AFG2A: variants seen among roughly 807,000 people sequenced by gnomAD.
AFG2A encodes ATPase family gene 2 protein homolog A.
the AFG2A span, among the ~76,000 whole-genome samples, chr4:122,951,235 C>T: frequency 6.6e-6 from 1 of 151,956 alleles, no homozygotes; most frequent in Non-Finnish European, 1.5e-5. Flanking sequence ...ATGGTGAGTC[C>T]CTTTACATTG....
the AFG2A span, among the ~76,000 whole-genome samples, chr4:123,160,689 G>A: frequency 3.9e-5 from 6 of 152,088 alleles, no homozygotes; most frequent in Admixed American, 2.6e-4. Context: ...TATGCATAGA[G>A]CAGTTACCTC....
the AFG2A span, among the ~76,000 whole-genome samples, chr4:122,981,945 T>G: frequency 1.3e-5 from 2 of 152,122 alleles, no homozygotes; most frequent in African/African-American, 4.8e-5. Flanking sequence ...TTATGTCATC[T>G]GCAAACAGAC....
the AFG2A span, among the ~76,000 whole-genome samples, chr4:123,233,220 G>T: frequency 6.6e-6 from 1 of 151,664 alleles, no homozygotes; most frequent in Non-Finnish European, 1.5e-5. Flanking sequence ...TTAAAGATTT[G>T]TAATATTTGG....
chr4:123,184,528 A>ATTTTTTTT, the AFG2A span, among the ~76,000 whole-genome samples: 2 of 80,910 alleles, frequency 2.5e-5, no homozygotes, highest in African/African-American at 9.0e-5. Context: ...CAGCATGATC[A>ATTTTTTTT]TTTCTTTTTT....
chr4:122,961,125 A>G, the AFG2A span, among the ~76,000 whole-genome samples: 6 of 152,182 alleles, frequency 3.9e-5, no homozygotes, highest in East Asian at 7.7e-4. Context: ...GGATAACACT[A>G]TATGGTTTTA....
the AFG2A span, among the ~76,000 whole-genome samples, chr4:122,951,315 C>T: frequency 6.6e-6 from 1 of 152,016 alleles, no homozygotes; most frequent in African/African-American, 2.4e-5. Context: ...CATGCAAATA[C>T]TGTGCCATTT....
the AFG2A span, among the ~76,000 whole-genome samples, chr4:122,964,718 C>T: frequency 1.1e-4 from 16 of 152,198 alleles, no homozygotes; most frequent in African/African-American, 3.9e-4. Flanking sequence ...TTAAAAGCAA[C>T]TTTTGAAAGT....
At chr4:122,932,684 TTCC>T in the AFG2A span, among the ~76,000 whole-genome samples, 124 of 152,336 alleles carry the variant, frequency 8.1e-4, 1 homozygote, top group African/African-American at 2.7e-3. Context: ...GTGTGTTCAC[TTCC>T]TGCACTTAAG....
the AFG2A span, among the ~76,000 whole-genome samples, chr4:123,294,838 A>G: frequency 6.6e-6 from 1 of 152,250 alleles, no homozygotes; most frequent in Non-Finnish European, 1.5e-5. Context: ...GGGGCCAAGG[A>G]TAATACATCA....
chr4:123,246,581 T>A, the AFG2A span, among the ~76,000 whole-genome samples: 1 of 152,150 alleles, frequency 6.6e-6, no homozygotes, highest in Non-Finnish European at 1.5e-5. Context: ...CTACCAGTGC[T>A]TCCCAAAATT....
chr4:123,234,814 A>G, the AFG2A span, among the ~76,000 whole-genome samples: 6 of 152,148 alleles, frequency 3.9e-5, no homozygotes, highest in African/African-American at 9.6e-5. Flanking sequence ...CAATATTTCA[A>G]TTCTGGCTCC....
chr4:123,311,719 C>T, the AFG2A span, among the ~76,000 whole-genome samples: 2 of 151,732 alleles, frequency 1.3e-5, no homozygotes, highest in African/African-American at 4.9e-5. Context: ...AGAGGAATGC[C>T]CAGGGGAACT....
chr4:123,268,381 G>T, the AFG2A span, among the ~76,000 whole-genome samples: 4 of 152,270 alleles, frequency 2.6e-5, no homozygotes, highest in Non-Finnish European at 5.9e-5. Flanking sequence ...AAGACAAAGA[G>T]ATGAGAATTG....
chr4:123,052,124 A>T, the AFG2A span, among the ~76,000 whole-genome samples: 1 of 151,684 alleles, frequency 6.6e-6, no homozygotes, highest in Admixed American at 6.6e-5. Flanking sequence ...TAAACCGTTC[A>T]TTTCTTTTCA....
chr4:123,014,393 A>G, the AFG2A span, among the ~76,000 whole-genome samples: 4 of 151,954 alleles, frequency 2.6e-5, no homozygotes, highest in African/African-American at 9.7e-5. Flanking sequence ...TCCATTTTTT[A>G]TGAGTTTTTT....
the AFG2A span, among the ~76,000 whole-genome samples, chr4:122,926,149 C>G: frequency 2.3e-4 from 35 of 152,100 alleles, no homozygotes; most frequent in Non-Finnish European, 4.3e-4. Flanking sequence ...ACATGATTAC[C>G]ATTGAAAGAC....
At chr4:123,135,433 A>G in the AFG2A span, among the ~76,000 whole-genome samples, 3,232 of 152,322 alleles carry the variant, frequency 0.021, 65 homozygotes, top group Non-Finnish European at 0.035. Flanking sequence ...AGAGAAAGAA[A>G]TAAAAGGCAT....
At chr4:122,996,570 CAGATAGATAGATAGATAGATAGAT>C in the AFG2A span, among the ~76,000 whole-genome samples, 1 of 139,532 alleles carries the variant, frequency 7.2e-6, no homozygotes, top group Admixed American at 7.4e-5. Flanking sequence ...GGTAGGTAGG[CAGATAGATAGATAGATAGATAGAT>C]AGATAGATAG....
chr4:123,220,745 T>C, the AFG2A span, among the ~76,000 whole-genome samples: 3 of 152,324 alleles, frequency 2.0e-5, no homozygotes, highest in Admixed American at 6.5e-5. Flanking sequence ...TCTTGTGTTA[T>C]TAATGAGCTA....
Sources: allele counts gnomAD v4.1 joint callset (sites outside exome capture counted in the v4.1 genomes callset), GRCh38; gene constraint gnomAD v4.1.1; transcripts MANE v1.5; gene names NCBI Gene and HGNC (gene_info 2026-07-23, HGNC 2026-07-21).